BCL11B: variants seen among roughly 807,000 people sequenced by gnomAD.
BCL11B encodes BCL11 transcription factor B.
A neutral mutation model predicts 49.9 loss-of-function variants in BCL11B; 8 were observed. The observed-to-expected ratio is 0.16, with a 90% CI of 0.09 to 0.29. The LOEUF is 0.29. Ranked by LOEUF, BCL11B falls within the 10% of genes least tolerant of loss-of-function variation. The probability of loss-of-function intolerance (pLI) is 1.00; values close to 1 mark genes in which losing one functional copy is unlikely to be tolerated. For synonymous variants in BCL11B, 739 were observed against 637.4 expected, an observed-to-expected ratio of 1.16 and a Z score of -2.40; for missense variants, 1,006 against 1,351.0, an observed-to-expected ratio of 0.74 and a Z score of 4.00.
intron 3 of BCL11B, among the ~76,000 whole-genome samples, chr14:99,180,724 A>C (rs76150609): frequency 1.3e-3 from 204 of 152,168 alleles, no homozygotes; most frequent in African/African-American, 4.7e-3. Flanking sequence ...TTGTTTTTTT[A>C]TTATCCATCC....
At chr14:99,190,838 C>T (rs1160005217) in intron 3 of BCL11B, among the ~76,000 whole-genome samples, 1 of 152,200 alleles carries the variant, frequency 6.6e-6, no homozygotes, top group Non-Finnish European at 1.5e-5. Flanking sequence ...CCTGGCCATT[C>T]CAACTCCTAC....
At chr14:99,230,030 G>C (rs1013039670) in intron 3 of BCL11B, among the ~76,000 whole-genome samples, 2 of 152,180 alleles carry the variant, frequency 1.3e-5, no homozygotes, top group African/African-American at 4.8e-5. Context: ...GTGCCTTTAA[G>C]GCACAAGTCC....
rs1888658526 is a variant in BCL11B, at chr14:99,241,177, G to T, written c.428-9620C>A. Reference sequence around the variant, plus strand: ...ATGCCACTTACTTGGTTTTGAAACTGTTTTTTTATTATTTTTTTTAAATCT... The same window carrying T: ...ATGCCACTTACTTGGTTTTGAAACTTTTTTTTTATTATTTTTTTTAAATCT... On this transcript the variant is annotated intron_variant, in intron 2 of 3. Coordinates refer to ENST00000357195, the MANE Select transcript of BCL11B (RefSeq NM_138576.4). The surrounding 1 kb of genome is among the most constrained non-coding windows in gnomAD (Gnocchi z 4.4). Among the ~76,000 whole-genome samples, 1 of 151,958 alleles carries T rather than the reference G, an allele frequency of 6.6e-6. No individual in the cohort carries two copies. Among genetic ancestry groups the T allele is most frequent in the Non-Finnish European group, 1.5e-5 (1 of 67,998 alleles).
chr14:99,258,073 G>A (rs1449734983), intron 1 of BCL11B, among the ~76,000 whole-genome samples: 3 of 152,202 alleles, frequency 2.0e-5, no homozygotes, highest in African/African-American at 4.8e-5. Context: ...GCATTGCCAC[G>A]TAAGTAGTGC....
intron 3 of BCL11B, among the ~76,000 whole-genome samples, chr14:99,208,639 C>T (rs931012657): frequency 6.6e-6 from 1 of 152,232 alleles, no homozygotes; most frequent in African/African-American, 2.4e-5. Flanking sequence ...TCAATTCTAG[C>T]TAATAACACT....
At chr14:99,260,414 T>C (rs1464470132) in intron 1 of BCL11B, among the ~76,000 whole-genome samples, 1 of 152,196 alleles carries the variant, frequency 6.6e-6, no homozygotes, top group Non-Finnish European at 1.5e-5. Context: ...GCTTTTTTAT[T>C]AACTTTTTCA....
intron 3 of BCL11B, among the ~76,000 whole-genome samples, chr14:99,212,063 C>T (rs1422840190): frequency 1.3e-5 from 2 of 152,110 alleles, no homozygotes; most frequent in Admixed American, 6.5e-5. Flanking sequence ...TCCTGCCCAC[C>T]GACTTCCACT....
chr14:99,262,327 TG>T lies in BCL11B; in HGVS notation c.59-4489del, dbSNP rs1889359394. ...CCCAGAGCACAGGCATGTGCGTGGC[TG>T]CCTGCACACACACATGTGCATTGCT... On this transcript the variant is annotated intron_variant, in intron 1 of 3. Transcript: ENST00000357195. This position sits in a 1 kb window ranked among gnomAD's most constrained non-coding sequence, Gnocchi z 4.2. Among the ~76,000 whole-genome samples the T allele has an allele frequency of 6.6e-6, 1 of 152,240 alleles. No individual in the cohort carries two copies. Among genetic ancestry groups the T allele is most frequent in the African/African-American group, 2.4e-5 (1 of 41,470 alleles).
In BCL11B at chr14:99,211,098, G is replaced by A. The variant is rs150520658; in HGVS notation, c.640+20247C>T. Among the ~76,000 whole-genome samples, 471 of 152,264 alleles carry A rather than the reference G, an allele frequency of 3.1e-3. 1 individual carries two copies. The highest frequency in any genetic ancestry group is 0.01 in the African/African-American group (433 of 41,552). On this transcript the variant is annotated intron_variant, in intron 3 of 3. Coordinates refer to ENST00000357195, the MANE Select transcript of BCL11B (RefSeq NM_138576.4). ...CCCGTCCTGAGCCATCCACACATGCGTACCCAGGTAATACCATGATCTCCT... is the reference window on the plus strand; with the variant it reads ...CCCGTCCTGAGCCATCCACACATGCATACCCAGGTAATACCATGATCTCCT...
chr14:99,248,637 G>C lies in BCL11B; in HGVS notation c.427+8834C>G, dbSNP rs1888915778. ...GGATCTTCACAGCCTGGGGCAGAAAGACCTAAGCTTTCAATCTAACAGTTT... is the reference window on the plus strand; with the variant it reads ...GGATCTTCACAGCCTGGGGCAGAAACACCTAAGCTTTCAATCTAACAGTTT... On this transcript the variant is annotated intron_variant, in intron 2 of 3. Transcript: ENST00000357195. The surrounding 1 kb of genome is among the most constrained non-coding windows in gnomAD (Gnocchi z 4.7). 6.6e-6 allele frequency among the ~76,000 whole-genome samples: 1 copy of C among 152,214 alleles called. No individual in the cohort carries two copies. Among genetic ancestry groups the C allele is most frequent in the Admixed American group, 6.5e-5 (1 of 15,286 alleles).
At chr14:99,259,036 G>A (rs1889261256) in intron 1 of BCL11B, among the ~76,000 whole-genome samples, 2 of 152,160 alleles carry the variant, frequency 1.3e-5, no homozygotes, top group South Asian at 4.1e-4. Flanking sequence ...GAAGTGGACA[G>A]TGTGGAGGTT....
At chr14:99,252,220 T>TA (rs1037014692) in intron 2 of BCL11B, among the ~76,000 whole-genome samples, 2 of 152,136 alleles carry the variant, frequency 1.3e-5, no homozygotes, top group African/African-American at 2.4e-5. Context: ...GATTTAATAA[T>TA]AAAAAAAGAT....
intron 2 of BCL11B, among the ~76,000 whole-genome samples, chr14:99,236,602 G>A (rs1888506358): frequency 1.3e-5 from 2 of 152,154 alleles, no homozygotes; most frequent in Non-Finnish European, 2.9e-5. Context: ...GATGTCTAGA[G>A]GGCAGGGGAT....
intron 1 of BCL11B, chr14:99,264,623 A>T (rs1889429499): frequency 6.6e-6 from 1 of 152,190 alleles, no homozygotes; most frequent in African/African-American, 2.4e-5. Context: ...AAGAAAAAGA[A>T]AAAAGAATGA....
intron 2 of BCL11B, among the ~76,000 whole-genome samples, chr14:99,249,257 C>T (rs1209265991): frequency 6.6e-6 from 1 of 152,078 alleles, no homozygotes; most frequent in Non-Finnish European, 1.5e-5. Context: ...CCCAGGGCCT[C>T]CCTGGGAAGT....
At chr14:99,216,915 T>A (rs1413936339) in intron 3 of BCL11B, among the ~76,000 whole-genome samples, 1 of 132,764 alleles carries the variant, frequency 7.5e-6, no homozygotes, top group Non-Finnish European at 1.8e-5. Flanking sequence ...CATATACATA[T>A]GTACTCACAT....
intron 3 of BCL11B, among the ~76,000 whole-genome samples, chr14:99,197,278 G>A (rs139945405): frequency 5.3e-5 from 8 of 152,236 alleles, no homozygotes; most frequent in Middle Eastern, 3.4e-3. Flanking sequence ...AGGACAGAAG[G>A]GGACACCTAC....
At chr14:99,216,125 G>A (rs779766649) in intron 3 of BCL11B, among the ~76,000 whole-genome samples, 24 of 152,316 alleles carry the variant, frequency 1.6e-4, no homozygotes, top group Non-Finnish European at 2.6e-4. Context: ...GCTTAAGGCC[G>A]CACAATGTAA....
At chr14:99,181,701 C>A (rs757593412) in intron 3 of BCL11B, among the ~76,000 whole-genome samples, 8 of 152,182 alleles carry the variant, frequency 5.3e-5, no homozygotes, top group Admixed American at 1.3e-4. Flanking sequence ...AGCGAGCAAG[C>A]GAGCCTGCGG....
Sources: gnomAD v4.1 joint callset for allele counts (sites outside exome capture counted in the v4.1 genomes callset) on GRCh38, gnomAD v4.1.1 for gene constraint, Gnocchi (gnomAD v3.1) non-coding constraint, MANE v1.5 for transcripts, NCBI Gene and HGNC (gene_info 2026-07-23, HGNC 2026-07-21) for gene names.